Variants in ORC3 observed in about 807,000 individuals in gnomAD.
The protein encoded by ORC3 is origin recognition complex subunit 3.
Under a neutral mutation model 100.7 loss-of-function variants are expected in ORC3, and 78 were observed. The ratio of observed to expected loss-of-function variants is 0.77; its 90% CI spans 0.65 to 0.94. The LOEUF is 0.94. ORC3 is among the 40% of genes least tolerant of loss of function. The probability of loss-of-function intolerance (pLI) is 0.00; values close to 1 mark genes in which losing one functional copy is unlikely to be tolerated. For synonymous variants in ORC3, 295 were observed against 289.3 expected (o/e 1.02, Z -0.20); for missense variants, 789 against 823.9 (o/e 0.96, Z 0.52).
rs540341623 is a variant in ORC3 at position 87,637,696 on chromosome 6, A to G, written c.1382+1210A>G. On this transcript the variant is annotated intron_variant, in intron 13 of 19. Transcript: ENST00000392844. Reference sequence around the variant, plus strand: ...CCCAGATTCATAGATTCTTTTGTCAAAGAGGAACTTGTTCTTTTTGTTCTG... The same window carrying G: ...CCCAGATTCATAGATTCTTTTGTCAGAGAGGAACTTGTTCTTTTTGTTCTG... Among the ~76,000 whole-genome samples the G allele has an allele frequency of 4.2e-3, 645 of 152,316 alleles. 7 individuals are homozygous for G. The highest frequency in any genetic ancestry group is 5.1e-3 in the Non-Finnish European group (345 of 68,022).
chr6:87,673,853 A>G, the ORC3 span, among the ~76,000 whole-genome samples: 94,912 of 151,198 alleles, frequency 0.63, 31,314 homozygotes, highest in African/African-American at 0.84. Flanking sequence ...AAAAAAAAGT[A>G]GGGGGGAAGG....
At chr6:87,660,232 A>C (rs1035529592) in intron 16 of ORC3, among the ~76,000 whole-genome samples, 2 of 152,190 alleles carry the variant, frequency 1.3e-5, no homozygotes, top group Non-Finnish European at 2.9e-5. Flanking sequence ...AGTATAATTA[A>C]ATGTGTTTTG....
In ORC3 at chr6:87,612,114, A is replaced by T; in HGVS notation, c.739A>T (p.Ile247Leu). 1 of 1,611,874 alleles carries T rather than the reference A, an allele frequency of 6.2e-7. No homozygotes were observed. Among genetic ancestry groups the T allele is most frequent in the Non-Finnish European group, 8.5e-7 (1 of 1,179,536 alleles). Residue 247 changes from isoleucine (I) to leucine (L), a missense_variant, in exon 8 of 20, where the codon ATA becomes TTA. By Grantham distance (5) the Ile-to-Leu change is conservative. Around this residue, in one of 3 missense-constraint regions of ORC3, gnomAD observed 399 missense variants for 382.0 expected, o/e 1.04. Coordinates refer to ENST00000392844, the MANE Select transcript of ORC3 (RefSeq NM_012381.4). ...SSQHLHEFPL[I>L]LIFGIATSPI... The stretch of plus-strand genomic sequence containing the variant: ...TCAACATCTCCATGAATTTCCACTA[A>T]TACTCATTTTTGGAATAGCCACATC...
intron 2 of ORC3, among the ~76,000 whole-genome samples, chr6:87,600,472 T>C (rs1034903303): frequency 6.6e-6 from 1 of 152,208 alleles, no homozygotes; most frequent in Non-Finnish European, 1.5e-5. Context: ...AGGATTACTG[T>C]AAAATTAATT....
intron 18 of ORC3, among the ~76,000 whole-genome samples, chr6:87,665,360 A>G (rs1002805340): frequency 6.6e-6 from 1 of 152,246 alleles, no homozygotes; most frequent in African/African-American, 2.4e-5. Flanking sequence ...TCTTCAGAAT[A>G]GTATTACAAA....
Position 87,656,811 on chromosome 6 carries a change from A to G in ORC3, c.1517-95A>G, listed in dbSNP as rs900664240. On this transcript the variant is annotated intron_variant, in intron 14 of 19. Coordinates refer to ENST00000392844, the MANE Select transcript of ORC3 (RefSeq NM_012381.4). Reference sequence around the variant, plus strand: ...CCCTTGCCACATTAAAAAAATATATATAGGTGAAACTTTTACTTTGGAGTA... The same window carrying G: ...CCCTTGCCACATTAAAAAAATATATGTAGGTGAAACTTTTACTTTGGAGTA... The G allele has an allele frequency of 9.4e-6, 7 of 744,426 alleles. No individual in the cohort carries two copies. The African/African-American group carries it at 1.1e-4, about 11-fold the overall frequency. 46.1% of individuals were successfully genotyped at this position (744,426 alleles called of 1,614,324 possible).
chr6:87,623,096 T>C (rs1779647237), intron 11 of ORC3, among the ~76,000 whole-genome samples: 1 of 152,256 alleles, frequency 6.6e-6, no homozygotes, highest in East Asian at 1.9e-4. Flanking sequence ...TGTACAATTA[T>C]ATATCCATTT....
chr6:87,631,199 A>G (rs2128275263), intron 11 of ORC3, among the ~76,000 whole-genome samples: 1 of 151,910 alleles, frequency 6.6e-6, no homozygotes, highest in South Asian at 2.1e-4. Context: ...TGTTTTTCTT[A>G]TAGCAGAGAA....
intron 19 of ORC3, 133 bp downstream of exon 19, chr6:87,665,966 T>C (rs1770564042): frequency 1.9e-6 from 1 of 538,026 alleles, no homozygotes; most frequent in Non-Finnish European, 3.3e-6. Context: ...ATTAACCATA[T>C]GGTGCTAGAA....
At chr6:87,657,178 C>T in intron 15 of ORC3, 196 bp downstream of exon 15, 1 of 433,948 alleles carries the variant, frequency 2.3e-6, no homozygotes, top group Non-Finnish European at 4.2e-6. Flanking sequence ...TATACACATT[C>T]TGGAACCTAC....
intron 11 of ORC3, among the ~76,000 whole-genome samples, chr6:87,630,440 CCTTCATTCATTAATGTACT>C (rs1240985239): frequency 2.2e-4 from 34 of 152,254 alleles, no homozygotes; most frequent in African/African-American, 8.2e-4. Context: ...AAGTGTTCAG[CCTTCATTCATTAATGTACT>C]CTTCATTCAG....
At chr6:87,603,154 T>C (rs1562322996) in intron 3 of ORC3, among the ~76,000 whole-genome samples, 1 of 151,022 alleles carries the variant, frequency 6.6e-6, no homozygotes, top group Non-Finnish European at 1.5e-5. Context: ...TAATTTGTCT[T>C]TTATCTAAAA....
In ORC3 at chr6:87,634,990, A is replaced by G. The variant is rs749555134; in HGVS notation, c.1302+29A>G. Reference sequence around the variant, plus strand: ...ATCCAAGCCTCCTCATTTGTAATCCATGAAGTAGGAATGTTAGTATTTTCT... The same window carrying G: ...ATCCAAGCCTCCTCATTTGTAATCCGTGAAGTAGGAATGTTAGTATTTTCT... On this transcript the variant is annotated intron_variant, in intron 12 of 19. Coordinates refer to ENST00000392844, the MANE Select transcript of ORC3 (RefSeq NM_012381.4). The G allele has an allele frequency of 1.3e-4, 137 of 1,075,886 alleles. 1 individual carries two copies. The Admixed American group carries it at 2.2e-3, about 18-fold the overall frequency. The allele number at this position is 1,075,886 out of a possible 1,614,324, so 66.6% of individuals were successfully genotyped here.
intron 9 of ORC3, among the ~76,000 whole-genome samples, chr6:87,619,974 A>G (rs1301275240): frequency 6.6e-6 from 1 of 152,166 alleles, no homozygotes; most frequent in Non-Finnish European, 1.5e-5. Flanking sequence ...GGACTATGTA[A>G]TTCCTGATTT....
chr6:87,643,364 C>T (rs899466094), intron 13 of ORC3, among the ~76,000 whole-genome samples: 1 of 151,392 alleles, frequency 6.6e-6, no homozygotes, highest in African/African-American at 2.4e-5. Context: ...GACAGATGAC[C>T]CAGGAACTAT....
chr6:87,676,192 C>T, the ORC3 span, among the ~76,000 whole-genome samples: 898 of 151,864 alleles, frequency 5.9e-3, 2 homozygotes, highest in Middle Eastern at 0.01. Flanking sequence ...GGACCGGGTG[C>T]GGTGGCTCAC....
At chr6:87,605,466 C>T (rs1054537488) in intron 4 of ORC3, among the ~76,000 whole-genome samples, 25 of 152,102 alleles carry the variant, frequency 1.6e-4, no homozygotes, top group African/African-American at 5.8e-4. Context: ...GCCTGGCCAA[C>T]GTGGTGAAAC....
At chr6:87,645,490 G>T (rs1768690274) in intron 13 of ORC3, among the ~76,000 whole-genome samples, 1 of 152,044 alleles carries the variant, frequency 6.6e-6, no homozygotes, top group Non-Finnish European at 1.5e-5. Context: ...TTTTTTACAT[G>T]CTTTTTATTA....
chr6:87,676,188 G>A, the ORC3 span, among the ~76,000 whole-genome samples: 3 of 152,170 alleles, frequency 2.0e-5, no homozygotes, highest in East Asian at 5.8e-4. Context: ...GCTGGGACCG[G>A]GTGCGGTGGC....
Sources: allele counts gnomAD v4.1 joint callset (sites outside exome capture counted in the v4.1 genomes callset), GRCh38; gene constraint gnomAD v4.1.1; regional missense constraint gnomAD v4.1.1; transcripts MANE v1.5; gene names NCBI Gene and HGNC (gene_info 2026-07-23, HGNC 2026-07-21).